Variants in TRIM48 observed in about 807,000 individuals in gnomAD.
TRIM48 encodes the protein tripartite motif containing 48, also known as E3 ubiquitin-protein ligase TRIM48.
Under a neutral mutation model 29.5 loss-of-function variants are expected in TRIM48, and 31 were observed. The ratio of observed to expected loss-of-function variants is 1.05; its 90% CI spans 0.79 to 1.42. The LOEUF (loss-of-function observed/expected upper bound fraction) is 1.42. Among genes scored for constraint, TRIM48 ranks in the 40% most tolerant of loss-of-function variants. TRIM48 has a pLI of 0.00. For missense variants in TRIM48, 344 were observed against 265.0 expected (o/e 1.30, Z -2.07); for synonymous variants, 128 against 90.6 (o/e 1.41, Z -2.34).
chr11:55,270,669 G>A lies in TRIM48; in HGVS notation c.*234G>A. ...GTGTCTGTAATAAGTATTGGAAAGG[G>A]AAGAATCAGAATGGCAATATATATG... On this transcript the variant is annotated 3_prime_UTR_variant, in exon 6 of 6. Coordinates refer to ENST00000417545, the MANE Select transcript of TRIM48 (RefSeq NM_024114.5). 23 of 1,577,106 alleles carry A rather than the reference G, an allele frequency of 1.5e-5. 3 individuals carry two copies. The highest frequency in any genetic ancestry group is 2.0e-5 in the Non-Finnish European group (23 of 1,160,226).
At chr11:55,264,850 C>T in intron 1 of TRIM48, 50 bp from the exon 2 acceptor site, 1 of 1,579,012 alleles carries the variant, frequency 6.3e-7, no homozygotes, top group South Asian at 1.2e-5. Flanking sequence ...TGTTCAGAAG[C>T]TTTTCATCAA....
Position 55,270,713 on chromosome 11 carries a change from G to A in TRIM48, c.*278G>A. 6.4e-7 allele frequency: 1 copy of A among 1,567,476 alleles called. No individual in the cohort carries two copies. The highest frequency in any genetic ancestry group is 2.4e-5 in the East Asian group (1 of 41,170). The stretch of plus-strand genomic sequence containing the variant: ...ATATATGGAGAGGAGGGACTCTTTA[G>A]TCTTGGGTGTGTTAAGAACGACATT... On this transcript the variant is annotated 3_prime_UTR_variant, in exon 6 of 6. Transcript: ENST00000417545.
At chr11:55,270,058 C>A (rs139530113) in intron 5 of TRIM48, among the ~76,000 whole-genome samples, 1,680 of 147,904 alleles carry the variant, frequency 0.011, 141 homozygotes, top group African/African-American at 0.04. Context: ...TCTTCACATG[C>A]TTTCCAAAAT....
intron 1 of TRIM48, among the ~76,000 whole-genome samples, chr11:55,264,539 T>C (rs1857356919): frequency 6.8e-6 from 1 of 147,448 alleles, no homozygotes; most frequent in Non-Finnish European, 1.5e-5. Flanking sequence ...TCTTTCACAC[T>C]CATTCGGCAG....
At chr11:55,263,091 T>C (rs1266245691) in intron 1 of TRIM48, among the ~76,000 whole-genome samples, 1 of 152,164 alleles carries the variant, frequency 6.6e-6, no homozygotes, top group African/African-American at 2.4e-5. Flanking sequence ...CATGTAGAGA[T>C]ACATTCATGA....
intron 4 of TRIM48, 62 bp from the exon 5 acceptor site, chr11:55,269,180 A>T: frequency 6.5e-7 from 1 of 1,534,396 alleles, no homozygotes. Context: ...TTTTAAACAC[A>T]AGTAGTGATT....
rs573313143 is a variant in TRIM48 at position 55,265,070 on chromosome 11, T to C, written c.215T>C (p.Ile72Thr). 1.1e-5 allele frequency: 18 copies of C among 1,583,540 alleles called. 4 individuals are homozygous for C. The South Asian group carries it at 2.2e-4, about 19-fold the overall frequency. Residue 72 changes from isoleucine (I) to threonine (T), a missense_variant, in exon 2 of 6, where the codon ATA (isoleucine) becomes ACA (threonine). Physicochemically the swap from Ile to Thr is moderately conservative, Grantham distance 89. Coordinates refer to ENST00000417545, the MANE Select transcript of TRIM48 (RefSeq NM_024114.5). ...IPILTQCFEC[I>T]KTIQQRNLKT... is the part of the protein sequence containing the mutation. ...ATTCTTACTCAGTGCTTTGAATGCA[T>C]AAAGACAATACAGCAGAGAAACCTC...
Position 55,269,295 on chromosome 11 carries a change from C to T in TRIM48, c.632C>T (p.Ala211Val), listed in dbSNP as rs778871781. Reference sequence around the variant, plus strand: ...CAGCCTCTGAATCTAGCGCTCAGGGCAGGGCCCATCACTGGACTGAGGGAC... The same window carrying T: ...CAGCCTCTGAATCTAGCGCTCAGGGTAGGGCCCATCACTGGACTGAGGGAC... ...MPQPLNLALRAGPITGLRDRL... is the reference protein window; with the variant it reads ...MPQPLNLALRVGPITGLRDRL... The change falls in exon 5 of 6, where the codon GCA becomes GTA. Residue 211 changes from alanine to valine, a missense_variant. Transcript: ENST00000417545. 20 of 1,576,066 alleles carry T rather than the reference C, an allele frequency of 1.3e-5. 1 individual carries two copies. The highest frequency in any genetic ancestry group is 1.6e-5 in the Non-Finnish European group (19 of 1,166,040).
chr11:55,264,838 C>T (rs557592218), intron 1 of TRIM48, 62 bp from the exon 2 acceptor site: 1 of 1,570,370 alleles, frequency 6.4e-7, no homozygotes, highest in Non-Finnish European at 8.6e-7. Flanking sequence ...CTTATCTCCA[C>T]ATGTTCAGAA....
rs562882221 is a variant in TRIM48, at chr11:55,271,067, T to C, written c.*632T>C. Reference sequence around the variant, plus strand: ...GTCTTGAATTGCATTCTAATGTTATTAAAACTCATTTATTGTGTTACTATT... The same window carrying C: ...GTCTTGAATTGCATTCTAATGTTATCAAAACTCATTTATTGTGTTACTATT... On this transcript the variant is annotated 3_prime_UTR_variant, in exon 6 of 6. Coordinates refer to ENST00000417545, the MANE Select transcript of TRIM48 (RefSeq NM_024114.5). 7.4e-6 allele frequency: 9 copies of C among 1,216,928 alleles called. 3 individuals carry two copies. In the South Asian group the frequency reaches 1.3e-4, roughly 17 times the overall value. 75.4% of individuals were successfully genotyped at this position (1,216,928 alleles called of 1,614,324 possible). A position where few individuals can be genotyped will look rare whatever the true frequency, so the allele number is the denominator to read the frequency against.
Position 55,269,370 on chromosome 11 carries a change from C to G in TRIM48, c.*1+31C>G, listed in dbSNP as rs776888927. On this transcript the variant is annotated intron_variant, in intron 5 of 5. Transcript: ENST00000417545. ...TCTCCACCCACAGGCAGCACCCCCA[C>G]TATCTAAATATTATTATTGTTAGGA... 5.8e-6 allele frequency: 9 copies of G among 1,563,882 alleles called. 2 individuals carry two copies. In the East Asian group the frequency reaches 2.2e-4, roughly 38 times the overall value.
chr11:55,263,644 A>G (rs1415095707), intron 1 of TRIM48, among the ~76,000 whole-genome samples: 1 of 152,152 alleles, frequency 6.6e-6, no homozygotes, highest in Non-Finnish European at 1.5e-5. Context: ...CCTGGGTGAC[A>G]CAGTGAGTCC....
At position 55,269,153 on chromosome 11, in the gene TRIM48, G is replaced by T. The variant is rs1590623347; in HGVS notation, c.579-89G>T. ...AATTATCAAATTTGTGGGTTCAAAG[G>T]ATTCTCATGAAATGTCTTTTAAACA... On this transcript the variant is annotated intron_variant, in intron 4 of 5. Transcript: ENST00000417545. The T allele has an allele frequency of 1.1e-5, 16 of 1,472,788 alleles. 1 individual carries two copies. The highest frequency in any genetic ancestry group is 2.4e-4 in the Middle Eastern group (1 of 4,108). 91.2% of individuals were successfully genotyped at this position (1,472,788 alleles called of 1,614,324 possible).
intron 3 of TRIM48, among the ~76,000 whole-genome samples, chr11:55,266,158 C>A (rs1857389340): frequency 6.8e-6 from 1 of 147,188 alleles, no homozygotes; most frequent in African/African-American, 2.5e-5. Context: ...AAATCTAGGG[C>A]AACCATGAAA....
rs558470659 is a variant in TRIM48, at chr11:55,265,873, G to T, written c.555+178G>T. ...CTTATGTAGAATAGTGTGACTATTA[G>T]ATGGGATTTCTAACAAAACCGTTGA... On this transcript the variant is annotated intron_variant, in intron 3 of 5. Coordinates refer to ENST00000417545, the MANE Select transcript of TRIM48 (RefSeq NM_024114.5). Among the ~76,000 whole-genome samples, 2 of 145,938 alleles carry T rather than the reference G, an allele frequency of 1.4e-5. 1 individual carries two copies. The highest frequency in any genetic ancestry group is 3.0e-5 in the Non-Finnish European group (2 of 66,500).
rs946810491 is a variant in TRIM48, at chr11:55,271,029, G to C, written c.*594G>C. The stretch of plus-strand genomic sequence containing the variant: ...TGTGCCTTATCAAACAGGACAAATA[G>C]GTTCGGTTTTATGTCTTGAATTGCA... On this transcript the variant is annotated 3_prime_UTR_variant, in exon 6 of 6. Coordinates refer to ENST00000417545, the MANE Select transcript of TRIM48 (RefSeq NM_024114.5). 7 of 1,451,812 alleles carry C rather than the reference G, an allele frequency of 4.8e-6. No homozygotes were observed. In the Admixed American group the frequency reaches 1.1e-4, roughly 22 times the overall value. 89.9% of individuals were successfully genotyped at this position (1,451,812 alleles called of 1,614,324 possible). A position where few individuals can be genotyped will look rare whatever the true frequency, so the allele number is the denominator to read the frequency against.
At position 55,270,767 on chromosome 11, in the gene TRIM48, T is replaced by C. The variant is rs1040623526; in HGVS notation, c.*332T>C. 13 of 1,571,190 alleles carry C rather than the reference T, an allele frequency of 8.3e-6. 2 individuals are homozygous for C. Among genetic ancestry groups the C allele is most frequent in the Middle Eastern group, 1.7e-4 (1 of 5,892 alleles). On this transcript the variant is annotated 3_prime_UTR_variant, in exon 6 of 6. Transcript: ENST00000417545. ...TGCAGTCTCTTTACCACCTCCCCAA[T>C]TACACTGCAGTATGTCCCAAGACCT...
At chr11:55,269,396 T>C in intron 5 of TRIM48, 57 bp downstream of exon 5, 1 of 1,540,532 alleles carries the variant, frequency 6.5e-7, no homozygotes, top group Non-Finnish European at 8.7e-7. Flanking sequence ...ATTGTTAGGA[T>C]CACATAGGTA....
chr11:55,265,401 C>T, intron 2 of TRIM48, 87 bp downstream of exon 2: 5 of 1,552,850 alleles, frequency 3.2e-6, no homozygotes, highest in Non-Finnish European at 4.3e-6. Flanking sequence ...GTAAAGCCAA[C>T]TCTGAGTCCC....
Sources: allele counts gnomAD v4.1 joint callset (sites outside exome capture counted in the v4.1 genomes callset), GRCh38; gene constraint gnomAD v4.1.1; transcripts MANE v1.5; gene names NCBI Gene and HGNC (gene_info 2026-07-23, HGNC 2026-07-21).